The following SLC22A14 variants were observed in gnomAD, a reference collection of about 807,000 sequenced individuals.
SLC22A14 encodes solute carrier family 22 member 14.
SLC22A14 carries 50 observed loss-of-function variants against 53.9 expected under a neutral mutation model. The ratio of observed to expected loss-of-function variants is 0.93; its 90% CI spans 0.74 to 1.17. SLC22A14 has a LOEUF of 1.17. Among genes scored for constraint, SLC22A14 ranks in the 50% most tolerant of loss-of-function variants. SLC22A14 has a pLI of 0.00. For synonymous variants in SLC22A14, 312 were observed against 303.0 expected (o/e 1.03, Z -0.31); for missense variants, 671 against 734.7 (o/e 0.91, Z 1.00).
intron 5 of SLC22A14, among the ~76,000 whole-genome samples, chr3:38,310,974 C>T (rs1430230704): frequency 2.0e-5 from 3 of 152,222 alleles, no homozygotes; most frequent in Non-Finnish European, 4.4e-5. Flanking sequence ...TATAATCTCT[C>T]TCACTGTCTG....
Position 38,307,876 on chromosome 3 carries a change from G to A in SLC22A14, c.775+156G>A. The A allele has an allele frequency of 2.6e-6, 2 of 774,162 alleles. No homozygotes were observed. The highest frequency in any genetic ancestry group is 4.2e-6 in the Non-Finnish European group (2 of 477,786). The allele number at this position is 774,162 out of a possible 1,614,324, so 48.0% of individuals were successfully genotyped here. A position where few individuals can be genotyped will look rare whatever the true frequency, so the allele number is the denominator to read the frequency against. On this transcript the variant is annotated intron_variant, in intron 4 of 10. Transcript: ENST00000448498. This position sits in a 1 kb window ranked among gnomAD's most constrained non-coding sequence, Gnocchi z 4.4. ...AAGAGGGCATGGCGGGGGTGTGGCA[G>A]CGTGGGCATCTGCTGGGATCCCACA...
At chr3:38,290,963 G>A (rs538022670) in intron 1 of SLC22A14, among the ~76,000 whole-genome samples, 9 of 152,234 alleles carry the variant, frequency 5.9e-5, no homozygotes, top group South Asian at 2.1e-4. Context: ...TAATCTCCTA[G>A]TGGCTTCCTG....
In SLC22A14 at chr3:38,316,507, C is replaced by A. The variant is rs1341532660; in HGVS notation, c.1716C>A (p.Asn572Lys). The part of the protein sequence containing the change: ...TRDQPLSESL[N>K]HSSQIRNKVK... ...ATCAGCCCCTCTCCGAGAGCCTGAACCACTCCTCACAGATAAGGTAGGTGT... is the reference window on the plus strand; with the variant it reads ...ATCAGCCCCTCTCCGAGAGCCTGAAACACTCCTCACAGATAAGGTAGGTGT... The change falls in exon 10 of 11, where the codon AAC (asparagine) becomes AAA (lysine). Residue 572 changes from asparagine to lysine, a missense_variant. Coordinates refer to ENST00000448498, the MANE Select transcript of SLC22A14 (RefSeq NM_001320033.2). The A allele has an allele frequency of 1.9e-6, 3 of 1,614,126 alleles. No individual in the cohort carries two copies. The highest frequency in any genetic ancestry group is 2.5e-6 in the Non-Finnish European group (3 of 1,179,974).
Position 38,318,301 on chromosome 3 carries a change from A to G in SLC22A14, c.*52A>G. ...ATGCCCAGATCCTGAGATTGGACCCATACCCTGTCTCCAACCCTGCCTTGA... is the reference window on the plus strand; with the variant it reads ...ATGCCCAGATCCTGAGATTGGACCCGTACCCTGTCTCCAACCCTGCCTTGA... On this transcript the variant is annotated 3_prime_UTR_variant, in exon 11 of 11. Coordinates refer to ENST00000448498, the MANE Select transcript of SLC22A14 (RefSeq NM_001320033.2). 6.6e-7 allele frequency: 1 copy of G among 1,507,880 alleles called. No homozygotes were observed. Among genetic ancestry groups the G allele is most frequent in the African/African-American group, 1.4e-5 (1 of 72,996 alleles). The allele number at this position is 1,507,880 out of a possible 1,614,324, so 93.4% of individuals were successfully genotyped here.
Position 38,313,049 on chromosome 3 carries a change from A to G in SLC22A14, c.995A>G (p.Glu332Gly). 6.3e-7 allele frequency: 1 copy of G among 1,597,456 alleles called. No homozygotes were observed. The highest frequency in any genetic ancestry group is 1.1e-5 in the South Asian group (1 of 87,846). The change falls in exon 6 of 11, where the codon GAG becomes GGG. Residue 332 changes from glutamate to glycine, a missense_variant. Glu to Gly is a moderately conservative substitution (Grantham distance 98). Coordinates refer to ENST00000448498, the MANE Select transcript of SLC22A14 (RefSeq NM_001320033.2). ...RWLMMKGKVK[E>G]AKQVLCYAAS... ...CTGATGATGAAAGGGAAGGTGAAGG[A>G]GGCCAAGCAGGTGCTGTGCTACGCC...
rs1188318255 is a variant in SLC22A14, at chr3:38,306,352, A to G, written c.326A>G (p.His109Arg). The change falls in exon 2 of 11, where the codon CAC becomes CGC. Residue 109 changes from histidine (H) to arginine (R), a missense_variant. His to Arg is a conservative substitution (Grantham distance 29). Coordinates refer to ENST00000448498, the MANE Select transcript of SLC22A14 (RefSeq NM_001320033.2). ...AGCTGGATCCTGGCAGTGGGCCCCC[A>G]CCTGTCCAAAGCTGAGCAGCTGAAT... ...NTSWILAVGP[H>R]LSKAEQLNLT... is the part of the protein sequence containing the mutation. 6.2e-7 allele frequency: 1 copy of G among 1,614,028 alleles called. No individual in the cohort carries two copies. Among genetic ancestry groups the G allele is most frequent in the South Asian group, 1.1e-5 (1 of 91,072 alleles).
intron 1 of SLC22A14, among the ~76,000 whole-genome samples, chr3:38,302,004 A>G (rs2051207): frequency 0.064 from 9,613 of 150,986 alleles, 362 homozygotes; most frequent in East Asian, 0.16. Flanking sequence ...AGGCCAGGGC[A>G]GGCGGATCAC....
intron 1 of SLC22A14, among the ~76,000 whole-genome samples, chr3:38,284,329 G>A (rs1703740987): frequency 6.6e-6 from 1 of 152,202 alleles, no homozygotes; most frequent in African/African-American, 2.4e-5. Context: ...ATGCCCAGGT[G>A]AGGACCCCAT....
In SLC22A14 at chr3:38,315,684, C is replaced by T. The variant is rs112460819; in HGVS notation, c.1505C>T (p.Thr502Ile). Residue 502 changes from threonine to isoleucine, a missense_variant, in exon 9 of 11, where the codon ACC becomes ATC. Thr to Ile is a moderately conservative substitution (Grantham distance 89). Transcript: ENST00000448498. Reference protein sequence around the residue: ...AATVTVFFLYTAELLPTVLRA... With the variant: ...AATVTVFFLYIAELLPTVLRA... ...ACTGTCACTGTGTTCTTCCTCTACACCGCTGAGCTCCTCCCCACTGTGCTC... is the reference window on the plus strand; with the variant it reads ...ACTGTCACTGTGTTCTTCCTCTACATCGCTGAGCTCCTCCCCACTGTGCTC... The T allele has an allele frequency of 7.5e-4, 1,206 of 1,613,978 alleles. 8 individuals carry two copies. The African/African-American group carries it at 0.014, about 19-fold the overall frequency.
At position 38,301,093 on chromosome 3, in the gene SLC22A14, A is replaced by G. The variant is rs559224488; in HGVS notation, c.1-4934A>G. Among the ~76,000 whole-genome samples, 17 of 152,240 alleles carry G rather than the reference A, an allele frequency of 1.1e-4. 2 individuals are homozygous for G. In the South Asian group the frequency reaches 3.5e-3, roughly 32 times the overall value. On this transcript the variant is annotated intron_variant, in intron 1 of 10. Transcript: ENST00000448498. ...CTCAGCCTCCCCAAATGCTGGGATTACAGGCATGAGCCACTGCACCTGGCC... is the reference window on the plus strand; with the variant it reads ...CTCAGCCTCCCCAAATGCTGGGATTGCAGGCATGAGCCACTGCACCTGGCC...
At chr3:38,282,633 G>C (rs1268620265) in intron 1 of SLC22A14, among the ~76,000 whole-genome samples, 1 of 152,144 alleles carries the variant, frequency 6.6e-6, no homozygotes, top group African/African-American at 2.4e-5. Flanking sequence ...CACATTGAGA[G>C]CCAATTGCCT....
intron 7 of SLC22A14, 39 bp from the exon 8 acceptor site, chr3:38,313,688 G>GCGCGCGCA (rs752608776): frequency 1.7e-5 from 23 of 1,361,586 alleles, no homozygotes; most frequent in East Asian, 4.6e-5. Context: ...GTGTGTGTGC[G>GCGCGCGCA]CGCGTGTGCA....
rs749193224 is a variant in SLC22A14 at position 38,313,494 on chromosome 3, C to G, written c.1163+9C>G. ...GTGATGAGCTGTGTGTGGTGAGTATCCAGGGCTCGCTGGCAGGGACTGCGA... is the reference window on the plus strand; with the variant it reads ...GTGATGAGCTGTGTGTGGTGAGTATGCAGGGCTCGCTGGCAGGGACTGCGA... On this transcript the variant is annotated intron_variant, in intron 7 of 10. Coordinates refer to ENST00000448498, the MANE Select transcript of SLC22A14 (RefSeq NM_001320033.2). 8 of 1,584,736 alleles carry G rather than the reference C, an allele frequency of 5.0e-6. No individual in the cohort carries two copies. In the African/African-American group the frequency reaches 9.4e-5, roughly 19 times the overall value.
intron 8 of SLC22A14, among the ~76,000 whole-genome samples, chr3:38,314,985 C>T (rs1704580104): frequency 6.6e-6 from 1 of 152,234 alleles, no homozygotes; most frequent in Admixed American, 6.5e-5. Flanking sequence ...GGCTGACAGG[C>T]AGGCAGGCAG....
upstream of SLC22A14, among the ~76,000 whole-genome samples, chr3:38,281,188 T>C (rs751890831): frequency 6.6e-6 from 1 of 152,126 alleles, no homozygotes; most frequent in Non-Finnish European, 1.5e-5. Flanking sequence ...ACCAATAAGA[T>C]TGCAGTGCCC....
chr3:38,309,249 G>C, intron 5 of SLC22A14, 127 bp downstream of exon 5: 1 of 817,496 alleles, frequency 1.2e-6, no homozygotes, highest in Non-Finnish European at 2.0e-6. Context: ...ATGTGGATGG[G>C]ATGAGATAGG....
upstream of SLC22A14, among the ~76,000 whole-genome samples, chr3:38,279,623 T>C (rs1037409337): frequency 2.0e-5 from 3 of 149,820 alleles, no homozygotes; most frequent in Admixed American, 6.6e-5. Context: ...TTATGGTTGG[T>C]TGGGGAGAAA....
Position 38,315,547 on chromosome 3 carries a change from A to G in SLC22A14, c.1379-11A>G. ...GAGGGCTGATGAGTGGAACTCCTTC[A>G]CCCACCCCAGGGGAGGATGGCCTCA... On this transcript the variant is annotated splice_polypyrimidine_tract_variant and intron_variant, in intron 8 of 10. Coordinates refer to ENST00000448498, the MANE Select transcript of SLC22A14 (RefSeq NM_001320033.2). The G allele has an allele frequency of 6.2e-7, 1 of 1,611,790 alleles. No homozygotes were observed. Among genetic ancestry groups the G allele is most frequent in the East Asian group, 2.2e-5 (1 of 44,832 alleles).
At chr3:38,305,933 A>G (rs1374934979) in intron 1 of SLC22A14, 94 bp from the exon 2 acceptor site, 6 of 1,299,588 alleles carry the variant, frequency 4.6e-6, no homozygotes, top group African/African-American at 1.5e-5. Flanking sequence ...GCTTCAAGCC[A>G]GAGGCCAGTT....
Sources: gnomAD v4.1 joint callset for allele counts (sites outside exome capture counted in the v4.1 genomes callset) on GRCh38, gnomAD v4.1.1 for gene constraint, Gnocchi (gnomAD v3.1) non-coding constraint, MANE v1.5 for transcripts, NCBI Gene and HGNC (gene_info 2026-07-23, HGNC 2026-07-21) for gene names.